The following ZNF695 variants were observed in gnomAD, a reference collection of about 807,000 sequenced individuals.
ZNF695 encodes zinc finger protein SBZF3.
In ZNF695, 11 loss-of-function variants were observed where a neutral mutation model predicts 11.2. The observed-to-expected ratio is 0.98, with a 90% CI of 0.62 to 1.62. The LOEUF (loss-of-function observed/expected upper bound fraction) is 1.62. Ranked by LOEUF, ZNF695 falls within the 40% of genes most tolerant of loss-of-function variation. The pLI is 0.00. For missense variants in ZNF695, 559 were observed against 590.5 expected, an observed-to-expected ratio of 0.95 and a Z score of 0.55; for synonymous variants, 190 against 201.4, an observed-to-expected ratio of 0.94 and a Z score of 0.48.
At chr1:246,983,647 A>T (rs1486223914), downstream of ZNF695, among the ~76,000 whole-genome samples, 8 of 151,882 alleles carry the variant, frequency 5.3e-5, no homozygotes, top group Middle Eastern at 3.4e-3. Flanking sequence ...GATGAACCCC[A>T]TCTTTACTAA....
chr1:246,997,895 T>C (rs533474338), intron 3 of ZNF695, among the ~76,000 whole-genome samples: 9 of 151,866 alleles, frequency 5.9e-5, no homozygotes, highest in Non-Finnish European at 1.3e-4. Flanking sequence ...GCCAAGGAGG[T>C]AGGAAAATGG....
chr1:246,969,614 G>C (rs1187585624), intron 4 of ZNF695: 1 of 152,110 alleles, frequency 6.6e-6, no homozygotes, highest in Non-Finnish European at 1.5e-5. Flanking sequence ...CCAACTCTCT[G>C]GTACCACTTT....
intron 4 of ZNF695, among the ~76,000 whole-genome samples, chr1:246,974,293 C>G (rs1301973573): frequency 6.6e-6 from 1 of 152,126 alleles, no homozygotes; most frequent in Non-Finnish European, 1.5e-5. Context: ...AAGACCAGCC[C>G]AAAGACACAA....
intron 5 of ZNF695, among the ~76,000 whole-genome samples, chr1:246,952,732 T>C (rs996559929): frequency 6.6e-6 from 1 of 151,946 alleles, no homozygotes; most frequent in Non-Finnish European, 1.5e-5. Flanking sequence ...TTATTCTCCA[T>C]ATTTAATTCA....
At position 246,947,941 on chromosome 1, in the gene ZNF695, G is replaced by C. The variant is rs555046923; in HGVS notation, c.489-2114C>G. 3.9e-5 allele frequency among the ~76,000 whole-genome samples: 6 copies of C among 152,276 alleles called. No individual in the cohort carries two copies. In the South Asian group the frequency reaches 1.2e-3, roughly 32 times the overall value. On this transcript the variant is annotated intron_variant, in intron 5 of 5. Coordinates refer to the ZNF695 transcript ENST00000487338. The stretch of plus-strand genomic sequence containing the variant: ...TGGCAGGAGAAAATTCTGCAGAGTT[G>C]TTTGCTGAGGCCATGATTTCATTCC...
In ZNF695 at chr1:246,986,585, A is replaced by G; in HGVS notation, c.*382T>C. 1.0e-6 allele frequency: 1 copy of G among 1,002,510 alleles called. No individual in the cohort carries two copies. The highest frequency in any genetic ancestry group is 1.2e-6 in the Non-Finnish European group (1 of 841,554). The allele number at this position is 1,002,510 out of a possible 1,614,324, so 62.1% of individuals were successfully genotyped here. A position where few individuals can be genotyped will look rare whatever the true frequency, so the allele number is the denominator to read the frequency against. On this transcript the variant is annotated 3_prime_UTR_variant, in exon 4 of 4. Coordinates refer to ENST00000339986, the MANE Select transcript of ZNF695 (RefSeq NM_020394.5). ...TTCACATTTACTGCATCTGTAAAAC[A>G]GTTTTTAGTGTGAACACTCTGGTGT...
At chr1:246,953,390 C>G (rs996086151) in intron 5 of ZNF695, among the ~76,000 whole-genome samples, 1 of 152,050 alleles carries the variant, frequency 6.6e-6, no homozygotes, top group Non-Finnish European at 1.5e-5. Context: ...GGGCGGATCA[C>G]GAGGTTAGGC....
chr1:246,955,708 C>T (rs1430565722), intron 5 of ZNF695, among the ~76,000 whole-genome samples: 2 of 152,186 alleles, frequency 1.3e-5, no homozygotes, highest in Non-Finnish European at 2.9e-5. Flanking sequence ...CTATATTTAC[C>T]TAGCGATGTT....
Position 246,976,591 on chromosome 1 carries a change from G to A in ZNF695, c.391-8799C>T, listed in dbSNP as rs373085743. On this transcript the variant is annotated intron_variant, in intron 4 of 5. Transcript: ENST00000487338. Reference sequence around the variant, plus strand: ...GGGCAGATCACGAGGTGAGGAGATCGAGACCATCCTGGCTAACACGGTGAA... The same window carrying A: ...GGGCAGATCACGAGGTGAGGAGATCAAGACCATCCTGGCTAACACGGTGAA... 2.3e-3 allele frequency among the ~76,000 whole-genome samples: 344 copies of A among 151,542 alleles called. 2 individuals carry two copies. In the Middle Eastern group the frequency reaches 0.027, roughly 12 times the overall value.
chr1:246,967,657 T>G (rs1326377674), intron 5 of ZNF695: 1 of 355,500 alleles, frequency 2.8e-6, no homozygotes, highest in South Asian at 2.2e-5. Context: ...CACCTGAGAC[T>G]GGGTAATTTA....
At chr1:246,984,335 A>G (rs1402670778), downstream of ZNF695, among the ~76,000 whole-genome samples, 1 of 151,686 alleles carries the variant, frequency 6.6e-6, no homozygotes, top group East Asian at 1.9e-4. Context: ...AGTTGAGAAG[A>G]AAGAAAAAGA....
chr1:246,997,852 T>C lies in ZNF695; in HGVS notation c.259+1496A>G, dbSNP rs536705143. On this transcript the variant is annotated intron_variant, in intron 3 of 3. Coordinates refer to ENST00000339986, the MANE Select transcript of ZNF695 (RefSeq NM_020394.5). ...CACTCATATGAGCAATCTTAAAAGG[T>C]TGGACTCCTAGAAGCAGAAGACACA... is the stretch of plus-strand genomic sequence containing the variant. Among the ~76,000 whole-genome samples, 13 of 152,134 alleles carry C rather than the reference T, an allele frequency of 8.5e-5. No individual in the cohort carries two copies. The East Asian group carries it at 1.2e-3, about 14-fold the overall frequency.
intron 5 of ZNF695, among the ~76,000 whole-genome samples, chr1:246,954,545 T>C (rs1395975636): frequency 6.6e-6 from 1 of 152,122 alleles, no homozygotes; most frequent in Non-Finnish European, 1.5e-5. Context: ...AGAACAAAAA[T>C]CAGGATAACA....
intron 3 of ZNF695, among the ~76,000 whole-genome samples, chr1:246,992,074 G>C (rs1669056354): frequency 6.6e-6 from 1 of 151,966 alleles, no homozygotes; most frequent in Non-Finnish European, 1.5e-5. Flanking sequence ...TGAGACGGGA[G>C]AACAGCGTCA....
At chr1:246,953,356 C>T (rs968999861) in intron 5 of ZNF695, among the ~76,000 whole-genome samples, 1 of 152,192 alleles carries the variant, frequency 6.6e-6, no homozygotes, top group Admixed American at 6.5e-5. Flanking sequence ...CGCCTGTAAT[C>T]CCAGCACTTT....
rs1189262229 is a variant in ZNF695 at position 246,959,282 on chromosome 1, C to CAAAAAAAAAAAA, written c.488+8401_488+8412dup. Among the ~76,000 whole-genome samples the CAAAAAAAAAAAA allele has an allele frequency of 2.7e-4, 2 of 7,434 alleles. 1 individual carries two copies. Among genetic ancestry groups the CAAAAAAAAAAAA allele is most frequent in the African/African-American group, 1.3e-3 (2 of 1,512 alleles). 4.9% of individuals were successfully genotyped at this position (7,434 alleles called of 152,430 possible). ...TGGATGACAGAGTGAGACCCTGTCT[C>CAAAAAAAAAAAA]AAAAAAAAAAAAAAAAAAAAAAAAA... On this transcript the variant is annotated intron_variant, in intron 5 of 5. Coordinates refer to the ZNF695 transcript ENST00000487338.
In ZNF695 at chr1:246,949,566, A is replaced by G. The variant is rs376255677; in HGVS notation, c.489-3739T>C. ...AGATCATGCTACTGCACTCCAGCCT[A>G]GGCGACAGAGCAAGACCCTGTCTCA... On this transcript the variant is annotated intron_variant, in intron 5 of 5. Coordinates refer to the ZNF695 transcript ENST00000487338. 2.6e-4 allele frequency among the ~76,000 whole-genome samples: 39 copies of G among 149,728 alleles called. No homozygotes were observed. In the East Asian group the frequency reaches 3.1e-3, roughly 12 times the overall value.
At position 246,985,555 on chromosome 1, in the gene ZNF695, T is replaced by A; in HGVS notation, c.*1412A>T. 2 of 985,412 alleles carry A rather than the reference T, an allele frequency of 2.0e-6. No homozygotes were observed. The highest frequency in any genetic ancestry group is 1.7e-5 in the African/African-American group (1 of 57,364). 61.0% of individuals were successfully genotyped at this position (985,412 alleles called of 1,614,324 possible). A position where few individuals can be genotyped will look rare whatever the true frequency, so the allele number is the denominator to read the frequency against. On this transcript the variant is annotated 3_prime_UTR_variant, in exon 4 of 4. Coordinates refer to ENST00000339986, the MANE Select transcript of ZNF695 (RefSeq NM_020394.5). The stretch of plus-strand genomic sequence containing the variant: ...GTAACTAAGGTGAGATAGGTTAACG[T>A]TGGTGGTAGGATACGCATCACTTAA...
intron 1 of ZNF695, among the ~76,000 whole-genome samples, chr1:247,004,414 A>G (rs79583850): frequency 6.6e-6 from 1 of 152,106 alleles, no homozygotes; most frequent in Non-Finnish European, 1.5e-5. Context: ...TAAAAAAAAA[A>G]CCCTCGAAAA....
Sources: gnomAD v4.1 joint callset for allele counts (sites outside exome capture counted in the v4.1 genomes callset) on GRCh38, gnomAD v4.1.1 for gene constraint, MANE v1.5 for transcripts, NCBI Gene and HGNC (gene_info 2026-07-23, HGNC 2026-07-21) for gene names.